AKAP12: variants seen among roughly 807,000 people sequenced by gnomAD.
AKAP12 encodes A-kinase anchoring protein 12.
AKAP12 carries 32 observed loss-of-function variants against 79.9 expected under a neutral mutation model. That is an observed-to-expected ratio of 0.40 (90% confidence interval 0.30 to 0.54). The LOEUF is 0.54. AKAP12 is among the 20% of genes least tolerant of loss of function. The probability of loss-of-function intolerance (pLI) is 0.48; values close to 1 mark genes in which losing one functional copy is unlikely to be tolerated. For synonymous variants in AKAP12, 808 were observed against 857.0 expected, an observed-to-expected ratio of 0.94 and a Z score of 1.00; for missense variants, 2,074 against 2,177.0, an observed-to-expected ratio of 0.95 and a Z score of 0.94.
intron 2 of AKAP12, among the ~76,000 whole-genome samples, chr6:151,295,746 C>T (rs1317879354): frequency 6.6e-6 from 1 of 152,194 alleles, no homozygotes; most frequent in African/African-American, 2.4e-5. Flanking sequence ...TCCTACTCGG[C>T]AGTTGGTGGG....
rs117986906 is a variant in AKAP12 at position 151,340,183 on chromosome 6, T to A, written c.320-8528T>A. Among the ~76,000 whole-genome samples, 240 of 151,504 alleles carry A rather than the reference T, an allele frequency of 1.6e-3. 1 individual carries two copies. Among genetic ancestry groups the A allele is most frequent in the Non-Finnish European group, 2.8e-3 (189 of 67,874 alleles). The stretch of plus-strand genomic sequence containing the variant: ...CTCATGATCTCATGATCCACCCACC[T>A]CGGCCTCCCAAAGTGCTGGGTTACA... On this transcript the variant is annotated intron_variant, in intron 3 of 4. Coordinates refer to ENST00000402676, the MANE Select transcript of AKAP12 (RefSeq NM_005100.4).
chr6:151,323,901 C>T (rs1777460334), intron 3 of AKAP12: 1 of 985,270 alleles, frequency 1.0e-6, no homozygotes, highest in Non-Finnish European at 1.2e-6. Context: ...ACCAAGCCCT[C>T]AGATCCCAGA....
chr6:151,307,610 C>A (rs1276366987), intron 3 of AKAP12, among the ~76,000 whole-genome samples: 1 of 152,098 alleles, frequency 6.6e-6, no homozygotes, highest in African/African-American at 2.4e-5. Context: ...TTCATAGAAT[C>A]CCAAATAGCC....
rs772841032 is a variant in AKAP12 at position 151,349,912 on chromosome 6, G to A, written c.1521G>A (p.Glu507=). ...VSEVEMLSSQ[E]RMKVQGSPLK... is the part of the protein sequence containing the mutation. ...AGGTGGAAATGCTGTCATCACAGGA[G>A]AGAATGAAGGTGCAGGGAAGTCCAC... is the stretch of plus-strand genomic sequence containing the variant. Residue 507 remains glutamate, a synonymous_variant, in exon 4 of 5, where the codon GAG becomes GAA. Coordinates refer to ENST00000402676, the MANE Select transcript of AKAP12 (RefSeq NM_005100.4). The A allele has an allele frequency of 1.9e-6, 3 of 1,614,052 alleles. No individual in the cohort carries two copies. The East Asian group carries it at 6.7e-5, about 36-fold the overall frequency.
intron 2 of AKAP12, among the ~76,000 whole-genome samples, chr6:151,247,394 C>T (rs1797095655): frequency 6.6e-6 from 1 of 151,834 alleles, no homozygotes; most frequent in African/African-American, 2.4e-5. Flanking sequence ...GAGCAAGACC[C>T]TATCTCTATT....
chr6:151,316,059 C>G (rs868537523), intron 3 of AKAP12, among the ~76,000 whole-genome samples: 40 of 150,628 alleles, frequency 2.7e-4, no homozygotes, highest in Admixed American at 2.3e-3. Context: ...GGGACACAGA[C>G]AAACCATATC....
intron 2 of AKAP12, among the ~76,000 whole-genome samples, chr6:151,241,598 A>G (rs1473695180): frequency 6.6e-6 from 1 of 152,108 alleles, no homozygotes; most frequent in Non-Finnish European, 1.5e-5. Flanking sequence ...AGCCGCCAAG[A>G]CTGTGGCTTG....
At chr6:151,323,671 A>G in intron 3 of AKAP12, 1 of 981,466 alleles carries the variant, frequency 1.0e-6, no homozygotes, top group Non-Finnish European at 1.2e-6. Context: ...TGTTTAGGGT[A>G]TTAAATGTGT....
intron 3 of AKAP12, among the ~76,000 whole-genome samples, chr6:151,306,740 C>CT (rs1776986583): frequency 6.6e-6 from 1 of 152,202 alleles, no homozygotes; most frequent in South Asian, 2.1e-4. Flanking sequence ...CACAGAGCTG[C>CT]TTCAAGCAGG....
At chr6:151,264,389 G>C (rs867099227) in intron 2 of AKAP12, among the ~76,000 whole-genome samples, 195 of 123,324 alleles carry the variant, frequency 1.6e-3, no homozygotes, top group African/African-American at 5.4e-3. Flanking sequence ...AAAAAAAAAA[G>C]CTTGGGCATA....
At chr6:151,242,816 C>G (rs1797004220) in intron 2 of AKAP12, among the ~76,000 whole-genome samples, 1 of 152,182 alleles carries the variant, frequency 6.6e-6, no homozygotes, top group African/African-American at 2.4e-5. Flanking sequence ...CAACGGTGTT[C>G]CTTCATGCGT....
chr6:151,249,670 G>A (rs80173837), intron 2 of AKAP12, among the ~76,000 whole-genome samples: 3,275 of 152,298 alleles, frequency 0.022, 127 homozygotes, highest in African/African-American at 0.074. Context: ...TATTGCTCCA[G>A]TACCATTGAT....
At chr6:151,296,699 C>T (rs566148725) in intron 2 of AKAP12, among the ~76,000 whole-genome samples, 2 of 152,220 alleles carry the variant, frequency 1.3e-5, no homozygotes, top group Admixed American at 1.3e-4. Context: ...ATCTCTGGAC[C>T]CCGGGAGGTG....
intron 3 of AKAP12, among the ~76,000 whole-genome samples, chr6:151,338,101 C>G (rs1777862145): frequency 6.6e-6 from 1 of 152,190 alleles, no homozygotes; most frequent in South Asian, 2.1e-4. Flanking sequence ...CTAAATATTT[C>G]AGTGTGTATT....
chr6:151,298,939 A>T (rs571074427), intron 2 of AKAP12: 1 of 152,366 alleles, frequency 6.6e-6, no homozygotes, highest in South Asian at 2.1e-4. Flanking sequence ...CAGCCTAAAA[A>T]TGAATTCTTA....
intron 3 of AKAP12, among the ~76,000 whole-genome samples, chr6:151,321,729 A>C (rs897078191): frequency 3.3e-5 from 5 of 151,936 alleles, no homozygotes; most frequent in African/African-American, 1.2e-4. Flanking sequence ...TCATATAATA[A>C]ATTTATGTTT....
In AKAP12 at chr6:151,349,147, T is replaced by A; in HGVS notation, c.756T>A (p.Ile252=). ...AGCGTGAGCAAAGCCACGCAGAAATTTCTCCCCCAGCCGAATCTGGCCAAG... is the reference window on the plus strand; with the variant it reads ...AGCGTGAGCAAAGCCACGCAGAAATATCTCCCCCAGCCGAATCTGGCCAAG... ...TLKREQSHAE[I]SPPAESGQAV... Residue 252 remains isoleucine (I), a synonymous_variant, in exon 4 of 5, where the codon ATT becomes ATA. Transcript: ENST00000402676. 2.5e-6 allele frequency: 4 copies of A among 1,613,268 alleles called. No individual in the cohort carries two copies. The highest frequency in any genetic ancestry group is 3.4e-6 in the Non-Finnish European group (4 of 1,179,936).
At position 151,358,467 on chromosome 6, in the gene AKAP12, A is replaced by G. The variant is rs1778499651; in HGVS notation, c.*2753A>G. On this transcript the variant is annotated 3_prime_UTR_variant, in exon 5 of 5. Coordinates refer to ENST00000402676, the MANE Select transcript of AKAP12 (RefSeq NM_005100.4). Reference sequence around the variant, plus strand: ...GCTTAGCAATTACCTCTAGTCGAAGACAATATTTGATTCCTAGTTCTGTTT... The same window carrying G: ...GCTTAGCAATTACCTCTAGTCGAAGGCAATATTTGATTCCTAGTTCTGTTT... The G allele has an allele frequency of 6.6e-6, 1 of 152,358 alleles. No homozygotes were observed. The highest frequency in any genetic ancestry group is 2.4e-5 in the African/African-American group (1 of 41,586). 9.4% of individuals were successfully genotyped at this position (152,358 alleles called of 1,614,324 possible). A position where few individuals can be genotyped will look rare whatever the true frequency, so the allele number is the denominator to read the frequency against.
chr6:151,257,803 C>T (rs1797330884), intron 2 of AKAP12, among the ~76,000 whole-genome samples: 1 of 152,086 alleles, frequency 6.6e-6, no homozygotes, highest in African/African-American at 2.4e-5. Context: ...TATTTTTAAT[C>T]TCCTTATTAA....
Sources: gnomAD v4.1 joint callset for allele counts (sites outside exome capture counted in the v4.1 genomes callset) on GRCh38, gnomAD v4.1.1 for gene constraint, MANE v1.5 for transcripts, NCBI Gene and HGNC (gene_info 2026-07-23, HGNC 2026-07-21) for gene names.